DLG5: variants seen among roughly 807,000 people sequenced by gnomAD.
The protein encoded by DLG5 is discs large MAGUK scaffold protein 5.
A neutral mutation model predicts 189.8 loss-of-function variants in DLG5; 48 were observed. The ratio of observed to expected loss-of-function variants is 0.25; its 90% CI spans 0.20 to 0.32. DLG5 has a LOEUF of 0.32. Ranked by LOEUF, DLG5 falls within the 10% of genes least tolerant of loss-of-function variation. The pLI, the probability that DLG5 is intolerant of heterozygous loss-of-function variation, is 1.00. For synonymous variants in DLG5, 1,016 were observed against 1,054.1 expected, an observed-to-expected ratio of 0.96 and a Z score of 0.70; for missense variants, 2,160 against 2,544.7, an observed-to-expected ratio of 0.85 and a Z score of 3.25.
intron 1 of DLG5, among the ~76,000 whole-genome samples, chr10:77,902,955 C>CA (rs1845973859): frequency 6.6e-6 from 1 of 151,922 alleles, no homozygotes; most frequent in Admixed American, 6.6e-5. Flanking sequence ...GACTCCGTCT[C>CA]AAAAAATAAA....
intron 2 of DLG5, among the ~76,000 whole-genome samples, chr10:77,864,869 A>AT (rs1363163130): frequency 6.6e-6 from 1 of 152,218 alleles, no homozygotes; most frequent in East Asian, 1.9e-4. Flanking sequence ...AGGAGGTTAG[A>AT]TTCCAATGCT....
chr10:77,838,972 C>A (rs1024664170), intron 7 of DLG5, among the ~76,000 whole-genome samples: 2 of 152,366 alleles, frequency 1.3e-5, no homozygotes, highest in East Asian at 1.9e-4. Flanking sequence ...TGGAAAAGAT[C>A]CCTGCCTCAG....
In DLG5 at chr10:77,906,918, G is replaced by A. The variant is rs118122291; in HGVS notation, c.304+19299C>T. On this transcript the variant is annotated intron_variant, in intron 1 of 31. Coordinates refer to ENST00000372391, the MANE Select transcript of DLG5 (RefSeq NM_004747.4). ...TGGGATTACAGGTATGAGCCACCGC[G>A]CCTGGCCCAGAGCTCCACTTTTTTA... is the stretch of plus-strand genomic sequence containing the variant. Among the ~76,000 whole-genome samples, 1,093 of 152,038 alleles carry A rather than the reference G, an allele frequency of 7.2e-3. 9 individuals carry two copies. The highest frequency in any genetic ancestry group is 0.014 in the Middle Eastern group (4 of 294).
At chr10:77,917,850 A>C (rs950752783) in intron 1 of DLG5, among the ~76,000 whole-genome samples, 4 of 151,566 alleles carry the variant, frequency 2.6e-5, no homozygotes, top group African/African-American at 9.7e-5. Context: ...AACGTGGTGA[A>C]ACCCCGTCTC....
In DLG5 at chr10:77,841,923, A is replaced by T; in HGVS notation, c.1395T>A (p.Ser465=). The change falls in exon 7 of 32, where the codon TCT becomes TCA. Residue 465 remains serine (S), a synonymous_variant. Transcript: ENST00000372391. The part of the protein sequence containing the change: ...LAESKLKSST[S]EKKAANEEME... ...TCTCCTCATTGGCCGCCTTCTTCTC[A>T]GATGTGCTGCTCTTGAGCTTGGACT... The T allele has an allele frequency of 6.2e-7, 1 of 1,613,366 alleles. No homozygotes were observed. The highest frequency in any genetic ancestry group is 1.1e-5 in the South Asian group (1 of 91,068).
At chr10:77,847,232 G>A (rs1317903699) in intron 5 of DLG5, among the ~76,000 whole-genome samples, 3 of 152,126 alleles carry the variant, frequency 2.0e-5, no homozygotes, top group African/African-American at 7.2e-5. Context: ...AGAAGACCGA[G>A]AGAGAGAGAT....
intron 1 of DLG5, among the ~76,000 whole-genome samples, chr10:77,906,539 CCCA>C (rs1380894741): frequency 6.6e-6 from 1 of 152,098 alleles, no homozygotes; most frequent in Non-Finnish European, 1.5e-5. Flanking sequence ...TGCCATCAAT[CCCA>C]CCTTCTCCCA....
intron 1 of DLG5, among the ~76,000 whole-genome samples, chr10:77,875,661 G>A (rs1028348069): frequency 2.6e-5 from 4 of 152,120 alleles, no homozygotes; most frequent in South Asian, 2.1e-4. Flanking sequence ...TGAAAGTTGC[G>A]GAGTGCTATC....
chr10:77,869,303 C>T, intron 1 of DLG5, 106 bp from the exon 2 acceptor site: 1 of 1,054,370 alleles, frequency 9.5e-7, no homozygotes, highest in Non-Finnish European at 1.4e-6. Flanking sequence ...CTACATGCAC[C>T]AGGCACTAGA....
chr10:77,830,667 G>C, intron 10 of DLG5, 74 bp downstream of exon 10: 1 of 1,572,664 alleles, frequency 6.4e-7, no homozygotes, highest in Non-Finnish European at 8.7e-7. Context: ...GAAACTGGGA[G>C]ATACTGCAAG....
At chr10:77,888,342 G>A (rs1164819689) in intron 1 of DLG5, among the ~76,000 whole-genome samples, 1 of 152,164 alleles carries the variant, frequency 6.6e-6, no homozygotes, top group Admixed American at 6.5e-5. Context: ...CACCTCTCCT[G>A]CAGCCCCTGC....
At chr10:77,829,860 C>T (rs1382971472) in intron 11 of DLG5, among the ~76,000 whole-genome samples, 1 of 152,186 alleles carries the variant, frequency 6.6e-6, no homozygotes, top group East Asian at 1.9e-4. Context: ...AGTGCTTAAA[C>T]CAGTACTCAG....
At chr10:77,862,162 G>C (rs370023313) in intron 2 of DLG5, among the ~76,000 whole-genome samples, 2 of 152,104 alleles carry the variant, frequency 1.3e-5, no homozygotes, top group Non-Finnish European at 2.9e-5. Flanking sequence ...CCATCCAAAT[G>C]GTTGTCAGGA....
Position 77,853,389 on chromosome 10 carries a change from T to G in DLG5, c.829A>C (p.Lys277Gln). 1.9e-6 allele frequency: 3 copies of G among 1,599,144 alleles called. No homozygotes were observed. The highest frequency in any genetic ancestry group is 2.6e-6 in the Non-Finnish European group (3 of 1,172,116). The change falls in exon 5 of 32, where the codon AAG (lysine) becomes CAG (glutamine). Residue 277 changes from lysine to glutamine, a missense_variant. Lys to Gln is a moderately conservative substitution (Grantham distance 53). Around this residue, in one of 5 missense-constraint regions of DLG5, gnomAD observed 664 missense variants for 838.5 expected, o/e 0.79. Coordinates refer to ENST00000372391, the MANE Select transcript of DLG5 (RefSeq NM_004747.4). ...DMKRLHEEDQKEIGDLRAQQQ... is the reference protein window; with the variant it reads ...DMKRLHEEDQQEIGDLRAQQQ... ...TGGGCACGGAGGTCACCGATCTCCT[T>G]CTGGTCCTCCTCGTGGAGCCGCTTC...
In DLG5 at chr10:77,796,230, G is replaced by A; in HGVS notation, c.5309-42C>T. On this transcript the variant is annotated intron_variant, in intron 28 of 31. Transcript: ENST00000372391. The surrounding 1 kb of genome is among the most constrained non-coding windows in gnomAD (Gnocchi z 5.2). ...CAGGAATCAGGGAGCCCCAGGCCCT[G>A]CTGAGCCCCAGCAGAGGGAGCAGGG... is the stretch of plus-strand genomic sequence containing the variant. 1 of 1,613,294 alleles carries A rather than the reference G, an allele frequency of 6.2e-7. No homozygotes were observed. The highest frequency in any genetic ancestry group is 8.5e-7 in the Non-Finnish European group (1 of 1,179,866).
intron 27 of DLG5, among the ~76,000 whole-genome samples, chr10:77,804,677 G>A (rs1841383124): frequency 6.6e-6 from 1 of 152,160 alleles, no homozygotes; most frequent in African/African-American, 2.4e-5. Flanking sequence ...GTCTACCAGG[G>A]GATGTCTGAC....
intron 2 of DLG5, chr10:77,868,388 T>C (rs1589236288): frequency 2.9e-6 from 1 of 346,066 alleles, no homozygotes; most frequent in Non-Finnish European, 5.7e-6. Context: ...GTTCAAGATG[T>C]GAGCTGACAT....
chr10:77,817,169 C>A (rs1179415213), intron 18 of DLG5, 73 bp from the exon 19 acceptor site: 1 of 1,359,184 alleles, frequency 7.4e-7, no homozygotes, highest in Non-Finnish European at 1.1e-6. Context: ...CTCCACCAGG[C>A]TACCAGTCAG....
chr10:77,922,465 G>T lies in DLG5; in HGVS notation c.304+3752C>A, dbSNP rs57574641. On this transcript the variant is annotated intron_variant, in intron 1 of 31. Coordinates refer to ENST00000372391, the MANE Select transcript of DLG5 (RefSeq NM_004747.4). ...ACCACCAGCTGGGGCAAAGGTGTTC[G>T]CTTGTTCCCCGCAGATCCATGTATC... Among the ~76,000 whole-genome samples the T allele has an allele frequency of 6.5e-4, 99 of 152,286 alleles. 1 individual carries two copies. The highest frequency in any genetic ancestry group is 2.0e-3 in the African/African-American group (85 of 41,554).
Sources: allele counts gnomAD v4.1 joint callset (sites outside exome capture counted in the v4.1 genomes callset), GRCh38; gene constraint gnomAD v4.1.1; regional missense constraint gnomAD v4.1.1; non-coding constraint Gnocchi (gnomAD v3.1); transcripts MANE v1.5; gene names NCBI Gene and HGNC (gene_info 2026-07-23, HGNC 2026-07-21).